The following MPHOSPH8 variants were observed in gnomAD, a reference collection of about 807,000 sequenced individuals.
The protein encoded by MPHOSPH8 is M-phase phosphoprotein, mpp.
Under a neutral mutation model 87.3 loss-of-function variants are expected in MPHOSPH8, and 45 were observed. The ratio of observed to expected loss-of-function variants is 0.52; its 90% CI spans 0.41 to 0.66. MPHOSPH8 has a LOEUF of 0.66. MPHOSPH8 is among the 30% of genes least tolerant of loss of function. The probability of loss-of-function intolerance (pLI) is 0.00; values close to 1 mark genes in which losing one functional copy is unlikely to be tolerated. For missense variants in MPHOSPH8, 883 were observed against 1,020.2 expected, an observed-to-expected ratio of 0.87 and a Z score of 1.83; for synonymous variants, 366 against 376.9, an observed-to-expected ratio of 0.97 and a Z score of 0.33.
rs188039810 is a variant in MPHOSPH8, at chr13:19,633,699, G to T, written c.-50G>T. The T allele has an allele frequency of 6.8e-5, 105 of 1,542,276 alleles. No homozygotes were observed. In the Middle Eastern group the frequency reaches 1.1e-3, roughly 17 times the overall value. On this transcript the variant is annotated 5_prime_UTR_variant, in exon 1 of 14. Transcript: ENST00000361479. ...CGAGCGCGGAACGCGAGGGGCTGCT[G>T]GGGTGTTTGTCGCAGCGGGTTTTCC...
In MPHOSPH8 at chr13:19,670,224, T is replaced by TCC. The variant is rs767267726; in HGVS notation, c.2330-10_2330-9dup. 229 of 1,613,864 alleles carry TCC rather than the reference T, an allele frequency of 1.4e-4. No homozygotes were observed. The highest frequency in any genetic ancestry group is 1.8e-4 in the Non-Finnish European group (216 of 1,179,920). On this transcript the variant is annotated splice_polypyrimidine_tract_variant and intron_variant, in intron 11 of 13. Transcript: ENST00000361479. ...GCCTTTGAAGTAATTCACACACATC[T>TCC]CCCATTTTCAGGCTCTGGCATCCTG... is the stretch of plus-strand genomic sequence containing the variant.
At chr13:19,657,075 T>C (rs1377540900) in intron 5 of MPHOSPH8, among the ~76,000 whole-genome samples, 15 of 123,748 alleles carry the variant, frequency 1.2e-4, no homozygotes, top group African/African-American at 4.5e-4. Context: ...TGAGCTGAGA[T>C]AGTGCCACTG....
In MPHOSPH8 at chr13:19,646,851, T is replaced by G. The variant is rs138933311; in HGVS notation, c.778T>G (p.Ser260Ala). 231 of 1,603,118 alleles carry G rather than the reference T, an allele frequency of 1.4e-4. No individual in the cohort carries two copies. In the African/African-American group the frequency reaches 2.9e-3, roughly 20 times the overall value. ...AACAAAAAAAGAAAAATTTGTCGAATCCCAGGTGGAATCTGAATCAAGTGT... is the reference window on the plus strand; with the variant it reads ...AACAAAAAAAGAAAAATTTGTCGAAGCCCAGGTGGAATCTGAATCAAGTGT... ...RKTKKEKFVE[S>A]QVESESSVLN... The change falls in exon 3 of 14, where the codon TCC (serine) becomes GCC (alanine). Residue 260 changes from serine (S) to alanine (A), a missense_variant. By Grantham distance (99) the Ser-to-Ala change is moderately conservative (BLOSUM62 1). Transcript: ENST00000361479.
intron 2 of MPHOSPH8, among the ~76,000 whole-genome samples, chr13:19,643,137 A>G (rs144076951): frequency 1.3e-5 from 2 of 152,318 alleles, no homozygotes; most frequent in East Asian, 3.9e-4. Context: ...GGAGTGTCTC[A>G]TAGGGGCCAG....
At chr13:19,634,001 T>C (rs777519783) in intron 1 of MPHOSPH8, 40 bp downstream of exon 1, 14 of 1,578,836 alleles carry the variant, frequency 8.9e-6, no homozygotes, top group African/African-American at 1.3e-5. Context: ...GGCGGGGAGC[T>C]CCGGGCCTGG....
rs769581635 is a variant in MPHOSPH8, at chr13:19,659,293, A to C, written c.1791+4A>C. ...AGAATATAACCTGGACCAAGAGGTA[A>C]TATGTCGTTGAAAAATCTCATGAAA... On this transcript the variant is annotated splice_donor_region_variant and intron_variant, in intron 7 of 13. Coordinates refer to ENST00000361479, the MANE Select transcript of MPHOSPH8 (RefSeq NM_017520.4). The C allele has an allele frequency of 1.2e-5, 19 of 1,588,826 alleles. No homozygotes were observed. The South Asian group carries it at 1.9e-4, about 16-fold the overall frequency.
intron 12 of MPHOSPH8, among the ~76,000 whole-genome samples, chr13:19,670,610 G>A (rs975105641): frequency 2.6e-5 from 4 of 152,026 alleles, no homozygotes; most frequent in Non-Finnish European, 4.4e-5. Flanking sequence ...GCATTGTTCT[G>A]AATATAAATA....
intron 1 of MPHOSPH8, among the ~76,000 whole-genome samples, chr13:19,638,029 A>G (rs1335619449): frequency 6.6e-6 from 1 of 151,204 alleles, no homozygotes; most frequent in East Asian, 2.0e-4. Context: ...TGAACCCGGG[A>G]GGTGGAGCTT....
At position 19,673,418 on chromosome 13, in the gene MPHOSPH8, T is replaced by C; in HGVS notation, c.*1543T>C. 1 of 243,584 alleles carries C rather than the reference T, an allele frequency of 4.1e-6. No individual in the cohort carries two copies. The highest frequency in any genetic ancestry group is 5.0e-5 in the Admixed American group (1 of 19,990). 15.1% of individuals were successfully genotyped at this position (243,584 alleles called of 1,614,324 possible). ...CCTAAAACTGCCTTTTCCTATGGTT[T>C]TGTCAATAAAACACTATGATGTTGG... On this transcript the variant is annotated 3_prime_UTR_variant, in exon 14 of 14. Coordinates refer to ENST00000361479, the MANE Select transcript of MPHOSPH8 (RefSeq NM_017520.4).
chr13:19,665,478 G>T (rs535787231), intron 9 of MPHOSPH8, among the ~76,000 whole-genome samples: 5 of 152,302 alleles, frequency 3.3e-5, no homozygotes, highest in African/African-American at 1.2e-4. Context: ...GCTGTAATGT[G>T]GGCCACTCGC....
At chr13:19,638,353 A>G (rs1874110327) in intron 1 of MPHOSPH8, among the ~76,000 whole-genome samples, 1 of 151,576 alleles carries the variant, frequency 6.6e-6, no homozygotes, top group Non-Finnish European at 1.5e-5. Context: ...GGTGGCTCAC[A>G]CCTGTAATCC....
At chr13:19,671,051 G>C in intron 12 of MPHOSPH8, 155 bp from the exon 13 acceptor site, 6 of 1,429,630 alleles carry the variant, frequency 4.2e-6, no homozygotes, top group Non-Finnish European at 5.5e-6. Flanking sequence ...AAACTTCTGG[G>C]CTCAAGCGAT....
rs372699452 is a variant in MPHOSPH8, at chr13:19,645,538, G to A, written c.370-905G>A. Among the ~76,000 whole-genome samples, 714 of 152,120 alleles carry A rather than the reference G, an allele frequency of 4.7e-3. 5 individuals are homozygous for A. The highest frequency in any genetic ancestry group is 0.027 in the South Asian group (129 of 4,820). On this transcript the variant is annotated intron_variant, in intron 2 of 13. Transcript: ENST00000361479. ...TGTAATCCTAGCACTTTGGGAGGCCGAGAGGTCAGGGGTTCGAGACCAGCC... is the reference window on the plus strand; with the variant it reads ...TGTAATCCTAGCACTTTGGGAGGCCAAGAGGTCAGGGGTTCGAGACCAGCC...
chr13:19,666,629 T>C (rs746822516), intron 10 of MPHOSPH8, 50 bp downstream of exon 10: 14 of 1,486,290 alleles, frequency 9.4e-6, no homozygotes, highest in Non-Finnish European at 1.3e-5. Flanking sequence ...CATACATCTG[T>C]TTATGTAGAC....
chr13:19,657,754 G>A (rs569708563), intron 5 of MPHOSPH8, among the ~76,000 whole-genome samples: 1 of 152,166 alleles, frequency 6.6e-6, no homozygotes, highest in South Asian at 2.1e-4. Context: ...GAGTTTGGTG[G>A]TATTATCTCA....
At chr13:19,637,829 C>T (rs1274522823) in intron 1 of MPHOSPH8, among the ~76,000 whole-genome samples, 1 of 151,512 alleles carries the variant, frequency 6.6e-6, no homozygotes, top group African/African-American at 2.4e-5. Flanking sequence ...AGGCCGGGCG[C>T]GGTGGGTCAC....
At chr13:19,642,393 T>A in intron 2 of MPHOSPH8, 123 bp downstream of exon 2, 1 of 843,376 alleles carries the variant, frequency 1.2e-6, no homozygotes, top group Non-Finnish European at 1.7e-6. Context: ...TAGTGTAAAT[T>A]CCATGTAGCC....
At position 19,646,892 on chromosome 13, in the gene MPHOSPH8, C is replaced by T. The variant is rs1555222295; in HGVS notation, c.819C>T (p.Pro273=). The part of the protein sequence containing the change: ...ESESSVLNDS[P]FPEDDSEGLH... Reference sequence around the variant, plus strand: ...AATCAAGTGTACTTAATGATTCTCCCTTTCCAGAGGATGACAGTGAAGGGC... The same window carrying T: ...AATCAAGTGTACTTAATGATTCTCCTTTTCCAGAGGATGACAGTGAAGGGC... Residue 273 remains proline, a synonymous_variant, in exon 3 of 14, where the codon CCC becomes CCT. Transcript: ENST00000361479. 1 of 1,603,804 alleles carries T rather than the reference C, an allele frequency of 6.2e-7. No individual in the cohort carries two copies. Among genetic ancestry groups the T allele is most frequent in the South Asian group, 1.1e-5 (1 of 88,254 alleles).
chr13:19,666,411 T>G lies in MPHOSPH8; in HGVS notation c.2020-14T>G, dbSNP rs1356736185. 5 of 1,592,432 alleles carry G rather than the reference T, an allele frequency of 3.1e-6. No homozygotes were observed. In the Middle Eastern group the frequency reaches 5.0e-4, roughly 159 times the overall value. ...TACAGCTAAGTAATTGTTACTCCTTTTTACCTGACGTAGGCCTGTAAAAGA... is the reference window on the plus strand; with the variant it reads ...TACAGCTAAGTAATTGTTACTCCTTGTTACCTGACGTAGGCCTGTAAAAGA... On this transcript the variant is annotated splice_polypyrimidine_tract_variant and intron_variant, in intron 9 of 13. Transcript: ENST00000361479.
Sources: gnomAD v4.1 joint callset for allele counts (sites outside exome capture counted in the v4.1 genomes callset) on GRCh38, gnomAD v4.1.1 for gene constraint, MANE v1.5 for transcripts, NCBI Gene and HGNC (gene_info 2026-07-23, HGNC 2026-07-21) for gene names.